The following SYP variants were observed in gnomAD, a reference collection of about 807,000 sequenced individuals.
The protein encoded by SYP is major synaptic vesicle protein P38.
Under a neutral mutation model 24.3 loss-of-function variants are expected in SYP, and 2 were observed. The observed-to-expected ratio is 0.08, with a 90% CI of 0.03 to 0.26. The LOEUF (loss-of-function observed/expected upper bound fraction) is 0.26, where lower values mean the gene tolerates loss of function less well. Among genes scored for constraint, SYP ranks in the 10% least tolerant of loss-of-function variants. The pLI is 1.00. For missense variants in SYP, 216 were observed against 266.3 expected, an observed-to-expected ratio of 0.81 and a Z score of 1.32; for synonymous variants, 143 against 123.2, an observed-to-expected ratio of 1.16 and a Z score of -1.07.
Position 49,191,439 on chromosome X carries a change from A to G in SYP, c.940T>C (p.Ter314GlnextTer4), listed in dbSNP as rs2065507964. 1 of 1,209,439 alleles carries G rather than the reference A, an allele frequency of 8.3e-7. No homozygotes were observed. Among genetic ancestry groups the G allele is most frequent in the Non-Finnish European group, 1.1e-6 (1 of 894,821 alleles). The change falls in exon 6 of 7, where the codon TAG becomes CAG. Residue 314 changes from the stop codon to glutamine, a stop_lost. Coordinates refer to ENST00000263233, the MANE Select transcript of SYP (RefSeq NM_003179.3). ...CCGCTCGCCGGTCACTCACCAGACTACATCTGATTGGAGAAGGAGGTGGGT... is the reference window on the plus strand; with the variant it reads ...CCGCTCGCCGGTCACTCACCAGACTGCATCTGATTGGAGAAGGAGGTGGGT... ...GAPTSFSNQM[*>Q]
At position 49,198,948 on chromosome X, in the gene SYP, A is replaced by G; in HGVS notation, c.102+20T>C. The G allele has an allele frequency of 8.3e-7, 1 of 1,210,071 alleles. No homozygotes were observed. ...CCCTCTCTCCCTGCACTCTGCCCCA[A>G]CAGCCCGGACCACACTCACCCATTG... On this transcript the variant is annotated intron_variant, in intron 2 of 6. Transcript: ENST00000263233.
rs201532992 is a variant in SYP, at chrX:49,193,480, T to G, written c.424-17A>C. 171 of 1,207,892 alleles carry G rather than the reference T, an allele frequency of 1.4e-4. No individual in the cohort carries two copies. The Middle Eastern group carries it at 2.2e-3, about 15-fold the overall frequency. On this transcript the variant is annotated splice_polypyrimidine_tract_variant and intron_variant, in intron 4 of 6. Transcript: ENST00000263233. ...CAGAAAGTCCTAAGGCAGGCAGGGG[T>G]GAGGAAGACAGCACTGTGAGTGGAC...
rs185819998 is a variant in SYP at position 49,194,277 on chromosome X, G to A, written c.312C>T (p.Ala104=). ...ACACGGCCACGGTGACAAAGAATTC[G>A]GCTGACGAGGAGTAGTCCCCAACTA... ...VFLVGDYSSS[A]EFFVTVAVFA... is the part of the protein sequence containing the mutation. The change falls in exon 4 of 7, where the codon GCC becomes GCT. Residue 104 remains alanine (A), a synonymous_variant. Transcript: ENST00000263233. 1.7e-4 allele frequency: 211 copies of A among 1,209,436 alleles called. No individual in the cohort carries two copies. In the East Asian group the frequency reaches 4.9e-3, roughly 28 times the overall value.
intron 2 of SYP, 101 bp downstream of exon 2, chrX:49,198,867 C>T: frequency 3.0e-6 from 3 of 986,364 alleles, no homozygotes; most frequent in Non-Finnish European, 2.8e-6. Flanking sequence ...AACCCCCGCA[C>T]TCATCCCTGG....
At chrX:49,195,509 A>G (rs2065525851) in intron 3 of SYP, among the ~76,000 whole-genome samples, 2 of 110,868 alleles carry the variant, frequency 1.8e-5, no homozygotes, top group Admixed American at 9.6e-5. Context: ...CAGCGACTAG[A>G]TAACAGGAAA....
intron 3 of SYP, chrX:49,197,367 A>G: frequency 4.3e-6 from 1 of 231,649 alleles, no homozygotes; most frequent in Non-Finnish European, 7.9e-6. Flanking sequence ...AAATGTGTAT[A>G]GAATGAATGA....
chrX:49,191,522 C>G lies in SYP; in HGVS notation c.857G>C (p.Gly286Ala). The G allele has an allele frequency of 1.7e-6, 2 of 1,211,209 alleles. No homozygotes were observed. The highest frequency in any genetic ancestry group is 2.2e-6 in the Non-Finnish European group (2 of 895,376). The change falls in exon 6 of 7, where the codon GGC becomes GCC. Residue 286 changes from glycine (G) to alanine (A), a missense_variant. This residue lies in a region of SYP where 114 missense variants were observed against 107.9 expected (regional missense o/e 1.06). Transcript: ENST00000263233. ...PDYGQPAGSG[G>A]SGYGPQGDYG... Reference sequence around the variant, plus strand: ...GTCGCCCTGAGGCCCGTAGCCACTGCCACCGCTGCCGGCTGGTTGACCATA... The same window carrying G: ...GTCGCCCTGAGGCCCGTAGCCACTGGCACCGCTGCCGGCTGGTTGACCATA...
chrX:49,195,335 A>AG (rs1835887301), intron 3 of SYP, among the ~76,000 whole-genome samples: 1 of 110,890 alleles, frequency 9.0e-6, no homozygotes, highest in African/African-American at 3.3e-5. Flanking sequence ...GCGGAAACAG[A>AG]GGCTCAGGGA....
chrX:49,192,923 C>T (rs781849451), intron 5 of SYP, among the ~76,000 whole-genome samples: 2 of 111,317 alleles, frequency 1.8e-5, no homozygotes, highest in Non-Finnish European at 3.8e-5. Flanking sequence ...AGTCTGACTC[C>T]AGCCAGTAGG....
rs781963355 is a variant in SYP, at chrX:49,193,350, C to T, written c.537G>A (p.Glu179=). ...TCCCTGTCTGGCGGCAGACAGGCAT[C>T]TCCTTGATAATGTTCTCTGGGTCTG... ...MATDPENIIK[E]MPVCRQTGNT... is the part of the protein sequence containing the mutation. The change falls in exon 5 of 7, where the codon GAG becomes GAA. Residue 179 remains glutamate, a synonymous_variant. Transcript: ENST00000263233. 8.2e-7 allele frequency: 1 copy of T among 1,212,331 alleles called. No individual in the cohort carries two copies. Among genetic ancestry groups the T allele is most frequent in the Non-Finnish European group, 1.1e-6 (1 of 895,597 alleles).
At chrX:49,197,616 G>GA (rs1557103468) in intron 3 of SYP, 99 bp downstream of exon 3, 1 of 1,110,826 alleles carries the variant, frequency 9.0e-7, no homozygotes, top group East Asian at 3.3e-5. Flanking sequence ...GCCTCGAGGT[G>GA]GGAGCTGGGC....
intron 6 of SYP, 191 bp downstream of exon 6, chrX:49,191,242 C>T (rs1307575661): frequency 2.5e-5 from 12 of 488,868 alleles, no homozygotes; most frequent in Non-Finnish European, 3.2e-5. Context: ...TTCTTCTTTT[C>T]TCCATTCATT....
intron 2 of SYP, 184 bp downstream of exon 2, chrX:49,198,784 G>A (rs1381441977): frequency 4.0e-6 from 2 of 500,490 alleles, no homozygotes; most frequent in African/African-American, 2.4e-5. Context: ...CCTATGTGAC[G>A]TCACAGCTCA....
At chrX:49,197,590 G>A in intron 3 of SYP, 125 bp downstream of exon 3, 1 of 992,300 alleles carries the variant, frequency 1.0e-6, no homozygotes, top group Non-Finnish European at 1.4e-6. Context: ...GGTGCTCAGT[G>A]ATCCCAGTGG....
chrX:49,193,254 C>A lies in SYP; in HGVS notation c.615+18G>T. The A allele has an allele frequency of 8.3e-7, 1 of 1,210,209 alleles. No individual in the cohort carries two copies. The highest frequency in any genetic ancestry group is 1.1e-6 in the Non-Finnish European group (1 of 894,379). The stretch of plus-strand genomic sequence containing the variant: ...CTGTTTTCCACTCTCCCTCCTCCAG[C>A]CAGCACCCAGGGCTTACCACCGAGG... On this transcript the variant is annotated intron_variant, in intron 5 of 6. Coordinates refer to ENST00000263233, the MANE Select transcript of SYP (RefSeq NM_003179.3).
chrX:49,197,546 T>A (rs1432478227), intron 3 of SYP, 169 bp downstream of exon 3: 3 of 706,136 alleles, frequency 4.2e-6, no homozygotes, highest in Non-Finnish European at 6.3e-6. Flanking sequence ...CACCACATAG[T>A]CCTAGAGTCC....
intron 6 of SYP, chrX:49,191,170 C>T (rs1481593100): frequency 4.8e-6 from 2 of 413,899 alleles, no homozygotes; most frequent in Non-Finnish European, 8.5e-6. Context: ...CCCGCCTTTC[C>T]GCCGAGTTGC....
At chrX:49,191,318 T>TA in intron 6 of SYP, 115 bp downstream of exon 6, 2 of 897,306 alleles carry the variant, frequency 2.2e-6, no homozygotes. Context: ...CTTCAGTCCT[T>TA]ACTTGCCCCA....
chrX:49,189,391 TC>T (rs1276581770), intron 6 of SYP, 109 bp from the exon 7 acceptor site: 3 of 110,393 alleles, frequency 2.7e-5, no homozygotes, highest in Non-Finnish European at 5.7e-5. Context: ...TTTTCTTCTT[TC>T]CTGGAGCCAG....
Sources: allele counts gnomAD v4.1 joint callset (sites outside exome capture counted in the v4.1 genomes callset), GRCh38; gene constraint gnomAD v4.1.1; regional missense constraint gnomAD v4.1.1; transcripts MANE v1.5; gene names NCBI Gene and HGNC (gene_info 2026-07-23, HGNC 2026-07-21).